Variants in PCLO observed in about 807,000 individuals in gnomAD.
The protein encoded by PCLO is piccolo presynaptic cytomatrix protein.
In PCLO, 82 loss-of-function variants were observed where a neutral mutation model predicts 427.5. The observed-to-expected ratio is 0.19, with a 90% confidence interval of 0.16 to 0.23. PCLO has a LOEUF of 0.23. PCLO is among the 10% of genes least tolerant of loss of function. The pLI is 1.00. For missense variants in PCLO, 6,239 were observed against 6,115.9 expected (o/e 1.02, Z -0.67); for synonymous variants, 2,357 against 2,155.4 (o/e 1.09, Z -2.59).
chr7:83,057,992 G>A (rs1978176), intron 3 of PCLO, among the ~76,000 whole-genome samples: 35,889 of 152,030 alleles, frequency 0.24, 4,827 homozygotes, highest in East Asian at 0.56. Flanking sequence ...TGTCTTCAGG[G>A]AATAGAATAT....
intron 3 of PCLO, among the ~76,000 whole-genome samples, chr7:83,086,763 T>A (rs962757857): frequency 7.9e-5 from 12 of 152,098 alleles, no homozygotes; most frequent in Admixed American, 3.3e-4. Flanking sequence ...ATGTTCAAGA[T>A]TACTCATCAA....
At chr7:82,907,414 C>T (rs1276360997) in intron 8 of PCLO, among the ~76,000 whole-genome samples, 2 of 151,894 alleles carry the variant, frequency 1.3e-5, no homozygotes, top group African/African-American at 4.8e-5. Flanking sequence ...ATAATAAACA[C>T]ATTTAAAGAA....
At chr7:83,114,521 G>A (rs973139390) in intron 3 of PCLO, among the ~76,000 whole-genome samples, 3 of 152,014 alleles carry the variant, frequency 2.0e-5, no homozygotes, top group Admixed American at 1.3e-4. Context: ...TAGGGAGACT[G>A]CACAAATCAT....
chr7:82,802,075 T>G (rs1791365694), intron 21 of PCLO, among the ~76,000 whole-genome samples: 1 of 152,040 alleles, frequency 6.6e-6, no homozygotes, highest in African/African-American at 2.4e-5. Flanking sequence ...TTCATGTATT[T>G]TTTTTTCAAC....
At chr7:83,100,880 C>A (rs375876264) in intron 3 of PCLO, among the ~76,000 whole-genome samples, 2 of 152,146 alleles carry the variant, frequency 1.3e-5, no homozygotes, top group East Asian at 1.9e-4. Flanking sequence ...TCTAAAACAA[C>A]AAATCAATAC....
intron 3 of PCLO, among the ~76,000 whole-genome samples, chr7:83,011,764 C>T (rs1788083008): frequency 6.6e-6 from 1 of 151,826 alleles, no homozygotes. Flanking sequence ...CAGACACATA[C>T]ACACACACAG....
chr7:83,107,393 T>C (rs987464469), intron 3 of PCLO, among the ~76,000 whole-genome samples: 1 of 152,122 alleles, frequency 6.6e-6, no homozygotes, highest in East Asian at 1.9e-4. Context: ...CCATCATTTG[T>C]CAAATGTACA....
intron 3 of PCLO, among the ~76,000 whole-genome samples, chr7:83,069,048 C>G (rs748816769): frequency 6.6e-6 from 1 of 152,026 alleles, no homozygotes; most frequent in Non-Finnish European, 1.5e-5. Flanking sequence ...GTGGTTACCA[C>G]GGGTTAGGGG....
intron 16 of PCLO, among the ~76,000 whole-genome samples, chr7:82,831,869 T>C (rs1469122179): frequency 6.6e-6 from 1 of 152,188 alleles, no homozygotes; most frequent in Non-Finnish European, 1.5e-5. Flanking sequence ...ACTACCATGC[T>C]CTGATCATAT....
chr7:82,876,815 A>C (rs1467280397), intron 10 of PCLO, among the ~76,000 whole-genome samples: 1 of 152,180 alleles, frequency 6.6e-6, no homozygotes, highest in Non-Finnish European at 1.5e-5. Context: ...GAGTAAATAC[A>C]GCTGGAAATC....
At chr7:83,038,655 C>A (rs140756361) in intron 3 of PCLO, among the ~76,000 whole-genome samples, 1 of 152,002 alleles carries the variant, frequency 6.6e-6, no homozygotes, top group Admixed American at 6.6e-5. Context: ...TTGTTTCCAC[C>A]TTTTAGCTAT....
At chr7:82,903,222 T>G (rs1794101051) in intron 8 of PCLO, among the ~76,000 whole-genome samples, 1 of 151,974 alleles carries the variant, frequency 6.6e-6, no homozygotes, top group African/African-American at 2.4e-5. Flanking sequence ...AGGATTACTT[T>G]ATGTTTGTGT....
chr7:82,932,200 CT>C (rs1794855858), intron 6 of PCLO, among the ~76,000 whole-genome samples: 1 of 152,196 alleles, frequency 6.6e-6, no homozygotes. Context: ...GCTCTTTGAA[CT>C]TTTAGTTAAT....
intron 3 of PCLO, among the ~76,000 whole-genome samples, chr7:83,047,104 A>G (rs1454045770): frequency 6.6e-6 from 1 of 152,098 alleles, no homozygotes; most frequent in Non-Finnish European, 1.5e-5. Flanking sequence ...TAAGTACTAA[A>G]TGTAGATAAG....
chr7:83,129,703 G>A (rs999805241), intron 3 of PCLO, among the ~76,000 whole-genome samples: 4 of 152,182 alleles, frequency 2.6e-5, no homozygotes, highest in Non-Finnish European at 5.9e-5. Context: ...AGAAAAATGT[G>A]TATAACAAAA....
At chr7:82,824,192 C>A in intron 19 of PCLO, 44 bp downstream of exon 19, 6 of 1,371,942 alleles carry the variant, frequency 4.4e-6, no homozygotes, top group Non-Finnish European at 6.0e-6. Context: ...ACAGACTGAA[C>A]AAATAGACAC....
chr7:83,118,107 A>G (rs895992747), intron 3 of PCLO, among the ~76,000 whole-genome samples: 1 of 152,234 alleles, frequency 6.6e-6, no homozygotes, highest in Admixed American at 6.5e-5. Flanking sequence ...GCAGCTATGC[A>G]TTTCGAATAC....
chr7:83,091,098 C>T (rs1278818282), intron 3 of PCLO, among the ~76,000 whole-genome samples: 1 of 152,036 alleles, frequency 6.6e-6, no homozygotes, highest in Non-Finnish European at 1.5e-5. Context: ...TTTTTAAAAA[C>T]ATAGAGCCTT....
In PCLO at chr7:83,134,218, A is replaced by AT. The variant is rs1791647654; in HGVS notation, c.3300+31_3300+32insA. On this transcript the variant is annotated intron_variant, in intron 3 of 24. Coordinates refer to ENST00000333891, the MANE Select transcript of PCLO (RefSeq NM_033026.6). ...AACCCACAGACTCACCTCCATATGT[A>AT]ATATATATATATATATATATATATA... The AT allele has an allele frequency of 2.6e-5, 11 of 430,226 alleles. No homozygotes were observed. In the South Asian group the frequency reaches 1.0e-3, roughly 39 times the overall value. 26.7% of individuals were successfully genotyped at this position (430,226 alleles called of 1,614,324 possible).
Sources: allele counts gnomAD v4.1 joint callset (sites outside exome capture counted in the v4.1 genomes callset), GRCh38; gene constraint gnomAD v4.1.1; transcripts MANE v1.5; gene names NCBI Gene and HGNC (gene_info 2026-07-23, HGNC 2026-07-21).